The following TNS1 variants were observed in gnomAD, a reference collection of about 807,000 sequenced individuals.
The protein encoded by TNS1 is tensin 1.
TNS1 carries 62 observed loss-of-function variants against 168.6 expected under a neutral mutation model. The observed-to-expected ratio is 0.37, with a 90% CI of 0.30 to 0.45. The LOEUF (loss-of-function observed/expected upper bound fraction) is 0.45, where lower values mean the gene tolerates loss of function less well. Among genes scored for constraint, TNS1 ranks in the 20% least tolerant of loss-of-function variants. The pLI is 1.00. For missense variants in TNS1, 2,240 were observed against 2,339.4 expected (o/e 0.96, Z 0.88); for synonymous variants, 934 against 933.2 (o/e 1.00, Z -0.02).
chr2:217,897,418 G>A (rs1239555040), intron 8 of TNS1, among the ~76,000 whole-genome samples: 1 of 152,212 alleles, frequency 6.6e-6, no homozygotes. Context: ...CCACCTCTCT[G>A]TGCTCTGGCA....
At chr2:217,980,543 A>G (rs1958022868) in intron 2 of TNS1, among the ~76,000 whole-genome samples, 1 of 140,792 alleles carries the variant, frequency 7.1e-6, no homozygotes, top group Non-Finnish European at 1.5e-5. Context: ...AGAGAGAGAG[A>G]GAGGAGCCTG....
Position 217,809,244 on chromosome 2 carries a change from G to GATGC in TNS1, c.5274-574_5274-573insGCAT, listed in dbSNP as rs1365978101. On this transcript the variant is annotated intron_variant, in intron 30 of 32. Coordinates refer to ENST00000682258, the MANE Select transcript of TNS1 (RefSeq NM_001387777.1). ...GGATGGATGGATGGATGGATGGATGGATGGATGCATGGATGGATGGATGGA... is the reference window on the plus strand; with the variant it reads ...GGATGGATGGATGGATGGATGGATGGATGCATGGATGCATGGATGGATGGATGGA... Among the ~76,000 whole-genome samples, 25 of 42,916 alleles carry GATGC rather than the reference G, an allele frequency of 5.8e-4. 8 individuals carry two copies. Among genetic ancestry groups the GATGC allele is most frequent in the African/African-American group, 2.4e-3 (24 of 10,000 alleles). The allele number at this position is 42,916 out of a possible 152,430, so 28.2% of individuals were successfully genotyped here.
At chr2:217,957,962 G>A (rs1370463807) in intron 3 of TNS1, among the ~76,000 whole-genome samples, 1 of 146,232 alleles carries the variant, frequency 6.8e-6, no homozygotes, top group African/African-American at 2.6e-5. Context: ...CATCATTCTT[G>A]GTACTTCTGT....
chr2:217,975,322 C>T (rs947599739), intron 3 of TNS1, among the ~76,000 whole-genome samples: 1 of 152,040 alleles, frequency 6.6e-6, no homozygotes, highest in Admixed American at 6.5e-5. Flanking sequence ...AACATCCTGA[C>T]CCCCCAAAAC....
At chr2:218,003,047 T>TCCCC (rs1337565364), upstream of TNS1, 2 of 390,274 alleles carry the variant, frequency 5.1e-6, no homozygotes, top group African/African-American at 4.5e-5. Flanking sequence ...CTCCTCCTCC[T>TCCCC]CCCCCCACTC....
chr2:218,031,451 G>C lies in TNS1; in HGVS notation c.156+2369C>G, dbSNP rs1958899056. The stretch of plus-strand genomic sequence containing the variant: ...AGTGTGTGTGTGCATGTGTGTATGA[G>C]CATGTCTGTGTGTGTGAGTGTATGA... On this transcript the variant is annotated intron_variant, in intron 1 of 1. Transcript: ENST00000649572. 1.3e-5 allele frequency among the ~76,000 whole-genome samples: 2 copies of C among 150,524 alleles called. 1 individual carries two copies. The highest frequency in any genetic ancestry group is 4.9e-5 in the African/African-American group (2 of 40,562).
At chr2:217,823,774 G>A (rs796202733) in intron 22 of TNS1, among the ~76,000 whole-genome samples, 1 of 152,222 alleles carries the variant, frequency 6.6e-6, no homozygotes. Flanking sequence ...GGCACGGGAG[G>A]TCTATTCTAG....
rs764214597 is a variant in TNS1, at chr2:217,848,817, C to A, written c.1700G>T (p.Arg567Leu). 1.2e-6 allele frequency: 2 copies of A among 1,613,956 alleles called. No homozygotes were observed. The highest frequency in any genetic ancestry group is 1.7e-6 in the Non-Finnish European group (2 of 1,180,040). Residue 567 changes from arginine (R) to leucine (L), a missense_variant, in exon 19 of 33, where the codon CGC becomes CTC. Coordinates refer to ENST00000682258, the MANE Select transcript of TNS1 (RefSeq NM_001387777.1). ...LSPQEKRELD[R>L]LLSGFGLERE... Reference sequence around the variant, plus strand: ...CTCTAAGCCAAAGCCACTCAGCAGGCGGTCCAGCTCCCGCTTCTCCTGGGG... The same window carrying A: ...CTCTAAGCCAAAGCCACTCAGCAGGAGGTCCAGCTCCCGCTTCTCCTGGGG...
In TNS1 at chr2:217,821,732, C is replaced by T. The variant is rs199658066; in HGVS notation, c.3572+8G>A. ...CCATCCCCCACCCACTGCCCCTTCC[C>T]GGCTTACCTGTCAGCACTGAGGATG... is the stretch of plus-strand genomic sequence containing the variant. On this transcript the variant is annotated splice_region_variant and intron_variant, in intron 23 of 32. Transcript: ENST00000682258. 7.9e-5 allele frequency: 114 copies of T among 1,434,464 alleles called. No individual in the cohort carries two copies. In the African/African-American group the frequency reaches 9.4e-4, roughly 12 times the overall value. The allele number at this position is 1,434,464 out of a possible 1,614,324, so 88.9% of individuals were successfully genotyped here. A position where few individuals can be genotyped will look rare whatever the true frequency, so the allele number is the denominator to read the frequency against.
At chr2:217,809,500 G>C (rs1940294710) in intron 30 of TNS1, among the ~76,000 whole-genome samples, 1 of 31,486 alleles carries the variant, frequency 3.2e-5, no homozygotes, top group Non-Finnish European at 6.0e-5. Context: ...TGCATGGATG[G>C]ATGCATGGAT....
At chr2:217,891,845 A>G (rs1243657002) in intron 11 of TNS1, among the ~76,000 whole-genome samples, 1 of 152,196 alleles carries the variant, frequency 6.6e-6, no homozygotes, top group East Asian at 1.9e-4. Context: ...CAGGCTTGAT[A>G]AGGCTCAGCC....
At chr2:217,964,767 C>A (rs879406803) in intron 3 of TNS1, among the ~76,000 whole-genome samples, 1 of 152,230 alleles carries the variant, frequency 6.6e-6, no homozygotes, top group Admixed American at 6.5e-5. Context: ...CCCAGACACC[C>A]CTGGACACCC....
intron 18 of TNS1, among the ~76,000 whole-genome samples, chr2:217,864,065 G>A (rs953554697): frequency 1.3e-5 from 2 of 152,162 alleles, no homozygotes; most frequent in East Asian, 1.9e-4. Flanking sequence ...CCAGGCCCAG[G>A]AGCATGTTCC....
intron 19 of TNS1, chr2:217,841,284 C>T (rs928515123): frequency 3.4e-5 from 33 of 984,900 alleles, no homozygotes; most frequent in Middle Eastern, 5.2e-4. Context: ...TGGCGTTGTA[C>T]GCTGCCCACC....
chr2:217,963,709 C>G (rs1258578400), intron 3 of TNS1, among the ~76,000 whole-genome samples: 1 of 148,716 alleles, frequency 6.7e-6, no homozygotes, highest in Non-Finnish European at 1.5e-5. Context: ...ACTGTATTAA[C>G]TCATCACGTG....
At chr2:217,924,218 G>A (rs1002947167) in intron 3 of TNS1, among the ~76,000 whole-genome samples, 3 of 152,104 alleles carry the variant, frequency 2.0e-5, no homozygotes, top group African/African-American at 7.2e-5. Flanking sequence ...CCAGCTGTCT[G>A]CGTAGCTGTG....
chr2:217,843,545 CCA>C (rs1428142957), intron 19 of TNS1, among the ~76,000 whole-genome samples: 1 of 152,160 alleles, frequency 6.6e-6, no homozygotes, highest in African/African-American at 2.4e-5. Context: ...CCTCAATCCC[CCA>C]CAGTCTGGTT....
At chr2:217,952,707 T>A (rs1957271305) in intron 3 of TNS1, among the ~76,000 whole-genome samples, 1 of 152,150 alleles carries the variant, frequency 6.6e-6, no homozygotes, top group African/African-American at 2.4e-5. Flanking sequence ...AGGGACTGGC[T>A]AAAACAACAT....
At chr2:217,976,401 A>T (rs1957896501) in intron 3 of TNS1, among the ~76,000 whole-genome samples, 1 of 152,144 alleles carries the variant, frequency 6.6e-6, no homozygotes, top group African/African-American at 2.4e-5. Context: ...CAGGAGGAAA[A>T]GGCAGGGCGG....
Sources: allele counts gnomAD v4.1 joint callset (sites outside exome capture counted in the v4.1 genomes callset), GRCh38; gene constraint gnomAD v4.1.1; transcripts MANE v1.5; gene names NCBI Gene and HGNC (gene_info 2026-07-23, HGNC 2026-07-21).